The following TSHZ1 variants were observed in gnomAD, a reference collection of about 807,000 sequenced individuals.
TSHZ1 encodes the protein teashirt zinc finger homeobox 1.
TSHZ1 carries 12 observed loss-of-function variants against 67.1 expected under a neutral mutation model. That is an observed-to-expected ratio of 0.18 (90% CI 0.11 to 0.29). The LOEUF is 0.29. Among genes scored for constraint, TSHZ1 ranks in the 10% least tolerant of loss-of-function variants. TSHZ1 has a pLI of 1.00. For missense variants in TSHZ1, 1,305 were observed against 1,413.9 expected, an observed-to-expected ratio of 0.92 and a Z score of 1.23; for synonymous variants, 632 against 622.4, an observed-to-expected ratio of 1.02 and a Z score of -0.23.
chr18:75,285,992 C>T lies in TSHZ1; in HGVS notation c.585C>T (p.Ser195=), dbSNP rs146992796. 87 of 1,603,420 alleles carry T rather than the reference C, an allele frequency of 5.4e-5. 1 individual carries two copies. Among genetic ancestry groups the T allele is most frequent in the South Asian group, 6.7e-5 (6 of 89,626 alleles). Reference sequence around the variant, plus strand: ...GTACCACCAGTACCAGCAGCAGCTCCGGGTACGACTGGCACCAGGCTGCAC... The same window carrying T: ...GTACCACCAGTACCAGCAGCAGCTCTGGGTACGACTGGCACCAGGCTGCAC... ...HSSTTSTSSS[S]GYDWHQAALA... The change falls in exon 2 of 2, where the codon TCC becomes TCT. Residue 195 remains serine (S), a synonymous_variant. Transcript: ENST00000580243.
At position 75,246,403 on chromosome 18, in the gene TSHZ1, G is replaced by GGT. The variant is rs74178999; in HGVS notation, c.40+34528_40+34529dup. ...CTCTGATGGGGTGTTTTTGGTTTCT[G>GGT]GTGTGTGTGTGTGTGTGTGTGTGTG... On this transcript the variant is annotated intron_variant, in intron 1 of 1. Transcript: ENST00000580243. 4.2e-3 allele frequency among the ~76,000 whole-genome samples: 454 copies of GGT among 108,422 alleles called. 15 individuals are homozygous for GGT. Among genetic ancestry groups the GGT allele is most frequent in the South Asian group, 0.021 (56 of 2,616 alleles). 71.1% of individuals were successfully genotyped at this position (108,422 alleles called of 152,430 possible).
intron 1 of TSHZ1, among the ~76,000 whole-genome samples, chr18:75,247,759 G>A (rs534976240): frequency 6.6e-6 from 1 of 152,192 alleles, no homozygotes; most frequent in Non-Finnish European, 1.5e-5. Flanking sequence ...CTCACCCACA[G>A]CAGAGAAGCA....
At chr18:75,222,268 C>A (rs1372919251) in intron 1 of TSHZ1, among the ~76,000 whole-genome samples, 1 of 150,266 alleles carries the variant, frequency 6.7e-6, no homozygotes, top group Non-Finnish European at 1.5e-5. Context: ...TATTATTTGT[C>A]AATTTAAAAT....
At position 75,263,663 on chromosome 18, in the gene TSHZ1, G is replaced by T. The variant is rs187777145; in HGVS notation, c.41-21785G>T. Among the ~76,000 whole-genome samples the T allele has an allele frequency of 5.1e-3, 769 of 152,226 alleles. 9 individuals are homozygous for T. The highest frequency in any genetic ancestry group is 0.018 in the African/African-American group (749 of 41,536). On this transcript the variant is annotated intron_variant, in intron 1 of 1. Transcript: ENST00000580243. ...GTATTTTTTGTTTGTTATGTTGTTT[G>T]TATCAACATTTCATACAGATACAAT...
At chr18:75,250,162 C>T (rs1220793459) in intron 1 of TSHZ1, among the ~76,000 whole-genome samples, 4 of 151,556 alleles carry the variant, frequency 2.6e-5, no homozygotes, top group East Asian at 3.9e-4. Context: ...CTTCCTCCTC[C>T]CCCTCTCACC....
At chr18:75,237,409 CT>C (rs1274320742) in intron 1 of TSHZ1, among the ~76,000 whole-genome samples, 1 of 152,086 alleles carries the variant, frequency 6.6e-6, no homozygotes, top group African/African-American at 2.4e-5. Context: ...GTAGTCCCAG[CT>C]ACTCAGGAGG....
At chr18:75,263,652 T>C (rs1193068617) in intron 1 of TSHZ1, among the ~76,000 whole-genome samples, 1 of 152,258 alleles carries the variant, frequency 6.6e-6, no homozygotes, top group Admixed American at 6.5e-5. Flanking sequence ...TTTTTGTTTG[T>C]TATGTTGTTT....
chr18:75,250,746 T>TG (rs2023291939), intron 1 of TSHZ1, among the ~76,000 whole-genome samples: 1 of 152,216 alleles, frequency 6.6e-6, no homozygotes, highest in Admixed American at 6.5e-5. Flanking sequence ...GGGTCTGGGA[T>TG]GAAGGCCACA....
At chr18:75,258,650 A>C (rs1312216003) in intron 1 of TSHZ1, among the ~76,000 whole-genome samples, 1 of 152,200 alleles carries the variant, frequency 6.6e-6, no homozygotes. Context: ...AGACTTTACT[A>C]AGGTGAGGTT....
intron 1 of TSHZ1, among the ~76,000 whole-genome samples, chr18:75,275,825 A>T (rs985307225): frequency 1.3e-5 from 2 of 152,204 alleles, no homozygotes; most frequent in African/African-American, 4.8e-5. Flanking sequence ...CATTTCCACC[A>T]TGTGTTAACA....
chr18:75,287,216 G>T lies in TSHZ1; in HGVS notation c.1809G>T (p.Pro603=), dbSNP rs778774648. 1 of 1,613,848 alleles carries T rather than the reference G, an allele frequency of 6.2e-7. No homozygotes were observed. Among genetic ancestry groups the T allele is most frequent in the East Asian group, 2.2e-5 (1 of 44,860 alleles). The change falls in exon 2 of 2, where the codon CCG becomes CCT. Residue 603 remains proline (P), a synonymous_variant. Transcript: ENST00000580243. This position sits in a 1 kb window ranked among gnomAD's most constrained non-coding sequence, Gnocchi z 5.0. ...PAAVQSVQVQ[P]SYAGGVKSLS... ...CCGTGCAGAGCGTGCAGGTGCAGCC[G>T]TCCTATGCTGGCGGCGTGAAGTCGC...
chr18:75,250,096 A>C (rs963841371), intron 1 of TSHZ1, among the ~76,000 whole-genome samples: 2 of 143,080 alleles, frequency 1.4e-5, no homozygotes, highest in Non-Finnish European at 3.0e-5. Flanking sequence ...TCATCCCTGC[A>C]GTTGGTGGGG....
chr18:75,242,424 A>G (rs918176801), intron 1 of TSHZ1, among the ~76,000 whole-genome samples: 4 of 152,330 alleles, frequency 2.6e-5, no homozygotes, highest in African/African-American at 9.6e-5. Flanking sequence ...GGCACAAAAG[A>G]AAGGTCCCCA....
chr18:75,282,708 C>T (rs890719983), intron 1 of TSHZ1, among the ~76,000 whole-genome samples: 1 of 152,164 alleles, frequency 6.6e-6, no homozygotes, highest in Non-Finnish European at 1.5e-5. Context: ...AGACCTTAAC[C>T]TGGGACTTCC....
intron 1 of TSHZ1, among the ~76,000 whole-genome samples, chr18:75,218,917 C>T (rs1473366984): frequency 1.4e-5 from 2 of 144,212 alleles, no homozygotes; most frequent in African/African-American, 5.1e-5. Context: ...GAATGGTGAA[C>T]ATGTATATTT....
Position 75,220,906 on chromosome 18 carries a change from T to C in TSHZ1, c.40+8990T>C, listed in dbSNP as rs76376370. Among the ~76,000 whole-genome samples the C allele has an allele frequency of 8.6e-3, 1,306 of 152,352 alleles. 24 individuals carry two copies. The highest frequency in any genetic ancestry group is 0.03 in the African/African-American group (1,258 of 41,586). ...AAAAAGTCAAGAATCAATTACATTA[T>C]TGTAGATTTTTACCATTTTTATTTT... On this transcript the variant is annotated intron_variant, in intron 1 of 1. Coordinates refer to ENST00000580243, the MANE Select transcript of TSHZ1 (RefSeq NM_001308210.2).
chr18:75,272,266 G>A lies in TSHZ1; in HGVS notation c.41-13182G>A, dbSNP rs567098615. Among the ~76,000 whole-genome samples the A allele has an allele frequency of 5.3e-5, 8 of 152,204 alleles. No homozygotes were observed. The South Asian group carries it at 8.3e-4, about 16-fold the overall frequency. On this transcript the variant is annotated intron_variant, in intron 1 of 1. Transcript: ENST00000580243. Reference sequence around the variant, plus strand: ...GAATCCTGCAGAACTGCGCCGGCACGCGAGGCGCCTTGGTCTCCTTTGCAG... The same window carrying A: ...GAATCCTGCAGAACTGCGCCGGCACACGAGGCGCCTTGGTCTCCTTTGCAG...
intron 1 of TSHZ1, among the ~76,000 whole-genome samples, chr18:75,250,265 T>A (rs1000942757): frequency 6.6e-6 from 1 of 152,078 alleles, no homozygotes; most frequent in Non-Finnish European, 1.5e-5. Context: ...CTCTTCCCTG[T>A]CCCCAGTCGC....
intron 1 of TSHZ1, among the ~76,000 whole-genome samples, chr18:75,258,118 T>A (rs919722232): frequency 3.3e-5 from 5 of 152,140 alleles, no homozygotes; most frequent in African/African-American, 4.8e-5. Context: ...TGAGCGTGAC[T>A]CGGTGTCTGC....
Sources: allele counts gnomAD v4.1 joint callset (sites outside exome capture counted in the v4.1 genomes callset), GRCh38; gene constraint gnomAD v4.1.1; non-coding constraint Gnocchi (gnomAD v3.1); transcripts MANE v1.5; gene names NCBI Gene and HGNC (gene_info 2026-07-23, HGNC 2026-07-21).